Variants in NTM observed in about 807,000 individuals in gnomAD.
NTM encodes the protein IgLON family member 2.
A neutral mutation model predicts 42.1 loss-of-function variants in NTM; 13 were observed. That is an observed-to-expected ratio of 0.31 (90% CI 0.20 to 0.49). The LOEUF (loss-of-function observed/expected upper bound fraction) is 0.49, where lower values mean the gene tolerates loss of function less well. Ranked by LOEUF, NTM falls within the 20% of genes least tolerant of loss-of-function variation. NTM has a pLI of 0.99. For missense variants in NTM, 373 were observed against 452.8 expected (o/e 0.82, Z 1.60); for synonymous variants, 187 against 179.2 (o/e 1.04, Z -0.35).
At chr11:131,861,141 G>C (rs1413513843) in intron 1 of NTM, among the ~76,000 whole-genome samples, 1 of 152,080 alleles carries the variant, frequency 6.6e-6, no homozygotes, top group Non-Finnish European at 1.5e-5. Flanking sequence ...AAATATCCCT[G>C]TCAGCTGCCA....
intron 7 of NTM, among the ~76,000 whole-genome samples, chr11:132,324,474 A>G (rs936432258): frequency 4.0e-5 from 6 of 151,166 alleles, no homozygotes; most frequent in Non-Finnish European, 8.9e-5. Context: ...AGGGATGTGA[A>G]GGACCTCTTC....
intron 3 of NTM, among the ~76,000 whole-genome samples, chr11:132,211,436 C>T (rs947542175): frequency 6.6e-6 from 1 of 152,018 alleles, no homozygotes; most frequent in Non-Finnish European, 1.5e-5. Context: ...TGGGAGTTGC[C>T]CAGGAAGGAT....
At chr11:131,479,359 G>A (rs113199569) in intron 1 of NTM, among the ~76,000 whole-genome samples, 1 of 152,204 alleles carries the variant, frequency 6.6e-6, no homozygotes, top group Non-Finnish European at 1.5e-5. Context: ...AATTTGAGAA[G>A]GGTGGGAGAG....
chr11:131,520,919 C>T (rs1447277980), intron 1 of NTM, among the ~76,000 whole-genome samples: 1 of 152,120 alleles, frequency 6.6e-6, no homozygotes, highest in South Asian at 2.1e-4. Flanking sequence ...AAGAGCATGG[C>T]ATCAGCATTG....
rs148375018 is a variant in NTM, at chr11:132,220,064, G to T, written c.526+7917G>T. ...GGGCCAAGTAATTGCCATTGCAAAAGATATTACAGTAGTCATTGATGGTGG... is the reference window on the plus strand; with the variant it reads ...GGGCCAAGTAATTGCCATTGCAAAATATATTACAGTAGTCATTGATGGTGG... On this transcript the variant is annotated intron_variant, in intron 4 of 8. Transcript: ENST00000683400. Among the ~76,000 whole-genome samples the T allele has an allele frequency of 2.0e-3, 310 of 152,298 alleles. 7 individuals carry two copies. In the East Asian group the frequency reaches 0.052, roughly 25 times the overall value.
intron 2 of NTM, among the ~76,000 whole-genome samples, chr11:132,102,573 G>C (rs978468984): frequency 1.3e-5 from 2 of 152,192 alleles, no homozygotes; most frequent in African/African-American, 4.8e-5. Context: ...AGGTAGCAAG[G>C]TATCTTTCTG....
At chr11:131,820,812 C>A (rs1194821357) in intron 1 of NTM, among the ~76,000 whole-genome samples, 1 of 152,150 alleles carries the variant, frequency 6.6e-6, no homozygotes, top group South Asian at 2.1e-4. Flanking sequence ...TGTGATCAAT[C>A]ACAATGTTGT....
chr11:131,931,601 G>A (rs1429726854), intron 2 of NTM, among the ~76,000 whole-genome samples: 4 of 151,888 alleles, frequency 2.6e-5, no homozygotes, highest in Non-Finnish European at 5.9e-5. Flanking sequence ...ACTAGGTGAT[G>A]TTTGGGCTAC....
At position 132,003,685 on chromosome 11, in the gene NTM, T is replaced by C. The variant is rs1359316933; in HGVS notation, c.167+92037T>C. Among the ~76,000 whole-genome samples, 1 of 151,332 alleles carries C rather than the reference T, an allele frequency of 6.6e-6. No individual in the cohort carries two copies. Among genetic ancestry groups the C allele is most frequent in the Non-Finnish European group, 1.5e-5 (1 of 67,804 alleles). On this transcript the variant is annotated intron_variant, in intron 2 of 8. Transcript: ENST00000683400. This position sits in a 1 kb window ranked among gnomAD's most constrained non-coding sequence, Gnocchi z 6.0. Reference sequence around the variant, plus strand: ...TTTTCCTGGTAGGTCTGTCTGTAGCTCAATCACATGTCCCACATGGAGCCC... The same window carrying C: ...TTTTCCTGGTAGGTCTGTCTGTAGCCCAATCACATGTCCCACATGGAGCCC...
At chr11:131,410,241 G>C (rs1349728547) in intron 1 of NTM, among the ~76,000 whole-genome samples, 3 of 152,038 alleles carry the variant, frequency 2.0e-5, no homozygotes, top group African/African-American at 7.2e-5. Context: ...TATTCTCCGA[G>C]GTAAGTGGAT....
chr11:132,231,637 G>A (rs1009446788), intron 4 of NTM, among the ~76,000 whole-genome samples: 1 of 152,128 alleles, frequency 6.6e-6, no homozygotes, highest in African/African-American at 2.4e-5. Flanking sequence ...AAATGTGATG[G>A]TCCAGTCTTG....
rs530671518 is a variant in NTM at position 131,449,360 on chromosome 11, T to A, written c.82+78472T>A. Among the ~76,000 whole-genome samples the A allele has an allele frequency of 2.6e-5, 4 of 152,214 alleles. No homozygotes were observed. In the South Asian group the frequency reaches 6.2e-4, roughly 24 times the overall value. The stretch of plus-strand genomic sequence containing the variant: ...TGGAGGTGGGGGCTTACATTCCGAA[T>A]TTCTAGGCAAGGAGGGGACCCTGGA... On this transcript the variant is annotated intron_variant, in intron 1 of 8. Coordinates refer to ENST00000683400, the MANE Select transcript of NTM (RefSeq NM_001352005.2).
rs57940839 is a variant in NTM, at chr11:132,134,757, A to ATATC, written c.168-11523_168-11520dup. Among the ~76,000 whole-genome samples, 150 of 97,282 alleles carry ATATC rather than the reference A, an allele frequency of 1.5e-3. 6 individuals are homozygous for ATATC. The highest frequency in any genetic ancestry group is 3.0e-3 in the East Asian group (7 of 2,326). The allele number at this position is 97,282 out of a possible 152,430, so 63.8% of individuals were successfully genotyped here. ...TATATATATATATATATATATATATATATCTCACATTTTCTTTATCTATTC... is the reference window on the plus strand; with the variant it reads ...TATATATATATATATATATATATATATATCTATCTCACATTTTCTTTATCTATTC... On this transcript the variant is annotated intron_variant, in intron 2 of 8. Transcript: ENST00000683400.
chr11:131,630,311 T>C (rs1452851168), intron 1 of NTM, among the ~76,000 whole-genome samples: 1 of 152,180 alleles, frequency 6.6e-6, no homozygotes, highest in Non-Finnish European at 1.5e-5. Flanking sequence ...TTCTCAAATA[T>C]ATATTGTTTT....
chr11:131,702,644 A>G (rs1417612933), intron 1 of NTM, among the ~76,000 whole-genome samples: 2 of 152,188 alleles, frequency 1.3e-5, no homozygotes, highest in African/African-American at 2.4e-5. Context: ...AAGATTAAAT[A>G]CTATTGAGAT....
intron 1 of NTM, among the ~76,000 whole-genome samples, chr11:131,588,783 A>G (rs1490160026): frequency 6.6e-6 from 1 of 152,228 alleles, no homozygotes; most frequent in African/African-American, 2.4e-5. Flanking sequence ...GCTTATGAAG[A>G]CATTACATGT....
At chr11:131,711,942 T>C (rs4528339) in intron 1 of NTM, among the ~76,000 whole-genome samples, 14,740 of 122,740 alleles carry the variant, frequency 0.12, 1,242 homozygotes, top group East Asian at 0.35. Context: ...TGAGAACACA[T>C]GGACACAGGA....
At chr11:131,565,478 C>A (rs1049888960) in intron 1 of NTM, among the ~76,000 whole-genome samples, 2 of 152,192 alleles carry the variant, frequency 1.3e-5, no homozygotes, top group African/African-American at 4.8e-5. Flanking sequence ...ATTGCCACAC[C>A]TTGTACACAG....
chr11:131,932,748 G>T (rs2058768734), intron 2 of NTM, among the ~76,000 whole-genome samples: 1 of 152,164 alleles, frequency 6.6e-6, no homozygotes, highest in East Asian at 1.9e-4. Flanking sequence ...GCCCACAGGG[G>T]ACTTTCCAGA....
Sources: gnomAD v4.1 joint callset for allele counts (sites outside exome capture counted in the v4.1 genomes callset) on GRCh38, gnomAD v4.1.1 for gene constraint, Gnocchi (gnomAD v3.1) non-coding constraint, MANE v1.5 for transcripts, NCBI Gene and HGNC (gene_info 2026-07-23, HGNC 2026-07-21) for gene names.